Variants in VANGL1 observed in about 807,000 individuals in gnomAD.
VANGL1 encodes vang-like protein 1.
Under a neutral mutation model 48.4 loss-of-function variants are expected in VANGL1, and 18 were observed. That is an observed-to-expected ratio of 0.37 (90% CI 0.26 to 0.55). The LOEUF is 0.55. Ranked by LOEUF, VANGL1 falls within the 20% of genes least tolerant of loss-of-function variation. VANGL1 has a pLI of 0.81. For missense variants in VANGL1, 667 were observed against 675.8 expected (o/e 0.99, Z 0.14); for synonymous variants, 257 against 261.8 (o/e 0.98, Z 0.18).
At position 115,659,742 on chromosome 1, in the gene VANGL1, G is replaced by C; in HGVS notation, c.173G>C (p.Gly58Ala). ...IQPPTGEPLL[G>A]NDSTRTEEVQ... ...CCTCCCACTGGAGAGCCCCTGTTGG[G>C]AAATGATTCTACTCGGACAGAGGAA... is the stretch of plus-strand genomic sequence containing the variant. Residue 58 changes from glycine to alanine, a missense_variant, in exon 3 of 8, where the codon GGA becomes GCA. By Grantham distance (60) the Gly-to-Ala change is moderately conservative. Coordinates refer to ENST00000355485, the MANE Select transcript of VANGL1 (RefSeq NM_138959.3). 6.2e-7 allele frequency: 1 copy of C among 1,614,140 alleles called. No individual in the cohort carries two copies. Among genetic ancestry groups the C allele is most frequent in the Non-Finnish European group, 8.5e-7 (1 of 1,180,016 alleles).
chr1:115,662,452 T>C (rs563307537), intron 3 of VANGL1, among the ~76,000 whole-genome samples: 1 of 152,358 alleles, frequency 6.6e-6, no homozygotes, highest in East Asian at 1.9e-4. Context: ...TATTGCTTCA[T>C]TATTGTTGCC....
Position 115,685,312 on chromosome 1 carries a change from G to A in VANGL1, c.1099G>A (p.Glu367Lys). The A allele has an allele frequency of 1.2e-6, 2 of 1,614,148 alleles. No homozygotes were observed. The highest frequency in any genetic ancestry group is 1.7e-6 in the Non-Finnish European group (2 of 1,180,020). ...TTCTAGGCTGGTGGTTGCAGTGGAA[G>A]AGGCCTTCATCCACATTCAGCGTCT... is the stretch of plus-strand genomic sequence containing the variant. ...RKARLVVAVEEAFIHIQRLQA... is the reference protein window; with the variant it reads ...RKARLVVAVEKAFIHIQRLQA... The change falls in exon 7 of 8, where the codon GAG becomes AAG. Residue 367 changes from glutamate to lysine, a missense_variant. Glu to Lys is a moderately conservative substitution (Grantham distance 56, BLOSUM62 1). Coordinates refer to ENST00000355485, the MANE Select transcript of VANGL1 (RefSeq NM_138959.3).
chr1:115,682,758 C>G (rs1653440154), intron 5 of VANGL1, among the ~76,000 whole-genome samples: 2 of 152,234 alleles, frequency 1.3e-5, no homozygotes, highest in South Asian at 4.2e-4. Flanking sequence ...TGCCTTCTGC[C>G]AGGATCATCT....
In VANGL1 at chr1:115,664,004, T is replaced by A; in HGVS notation, c.548T>A (p.Phe183Tyr). 1 of 1,614,190 alleles carries A rather than the reference T, an allele frequency of 6.2e-7. No individual in the cohort carries two copies. ...CGGAGAGCTGACATGCCACGGGTGT[T>A]TGTGTTTCGTGCCCTTTTGTTGGTC... ...RKRRADMPRV[F>Y]VFRALLLVLI... is the part of the protein sequence containing the mutation. Residue 183 changes from phenylalanine to tyrosine, a missense_variant, in exon 4 of 8, where the codon TTT becomes TAT. Phe to Tyr is a conservative substitution (Grantham distance 22, BLOSUM62 3). Transcript: ENST00000355485.
chr1:115,688,831 C>T (rs1653731921), intron 7 of VANGL1, among the ~76,000 whole-genome samples: 1 of 133,184 alleles, frequency 7.5e-6, no homozygotes, highest in Admixed American at 7.7e-5. Flanking sequence ...ACTCTGTCAC[C>T]CAGGATGGAG....
chr1:115,673,594 C>CTTTTT (rs960453479), intron 4 of VANGL1, among the ~76,000 whole-genome samples: 9 of 108,582 alleles, frequency 8.3e-5, no homozygotes, highest in African/African-American at 1.6e-4. Flanking sequence ...TGTATGTCCT[C>CTTTTT]TTTTTTTTTT....
intron 4 of VANGL1, among the ~76,000 whole-genome samples, chr1:115,666,918 C>T (rs1652813799): frequency 6.6e-6 from 1 of 152,214 alleles, no homozygotes; most frequent in Non-Finnish European, 1.5e-5. Flanking sequence ...GGCCTGGTCA[C>T]CTGCCGATCC....
intron 2 of VANGL1, among the ~76,000 whole-genome samples, chr1:115,652,004 G>A (rs1162331128): frequency 2.6e-5 from 4 of 152,062 alleles, no homozygotes; most frequent in South Asian, 2.1e-4. Context: ...CGCCCGCCTC[G>A]GTTTCTAGGT....
Position 115,695,969 on chromosome 1 carries a change from T to G in VANGL1, c.*4590T>G, listed in dbSNP as rs1214464652. 1 of 152,176 alleles carries G rather than the reference T, an allele frequency of 6.6e-6. No individual in the cohort carries two copies. Among genetic ancestry groups the G allele is most frequent in the Non-Finnish European group, 1.5e-5 (1 of 68,026 alleles). The allele number at this position is 152,176 out of a possible 1,614,324, so 9.4% of individuals were successfully genotyped here. A position where few individuals can be genotyped will look rare whatever the true frequency, so the allele number is the denominator to read the frequency against. Reference sequence around the variant, plus strand: ...TCTTTCACTTTGGATTTACACCTTGTCCCTTGGAAAGCTTCTCCACTATGC... The same window carrying G: ...TCTTTCACTTTGGATTTACACCTTGGCCCTTGGAAAGCTTCTCCACTATGC... On this transcript the variant is annotated 3_prime_UTR_variant, in exon 8 of 8. Transcript: ENST00000355485.
chr1:115,690,713 C>T (rs1193615704), intron 7 of VANGL1, among the ~76,000 whole-genome samples: 4 of 152,158 alleles, frequency 2.6e-5, no homozygotes, highest in African/African-American at 9.7e-5. Context: ...CCTTTGGGCC[C>T]GACACAGCCC....
In VANGL1 at chr1:115,682,473, G is replaced by A. The variant is rs777800005; in HGVS notation, c.922G>A (p.Gly308Arg). 15 of 1,613,990 alleles carry A rather than the reference G, an allele frequency of 9.3e-6. No homozygotes were observed. Among genetic ancestry groups the A allele is most frequent in the African/African-American group, 1.3e-5 (1 of 74,884 alleles). The change falls in exon 5 of 8, where the codon GGG becomes AGG. Residue 308 changes from glycine (G) to arginine (R), a missense_variant. By Grantham distance (125) the Gly-to-Arg change is moderately radical. Transcript: ENST00000355485. ...SKFRAAKHMA[G>R]LKVYNVDGPS... Reference sequence around the variant, plus strand: ...ATTCCGAGCAGCCAAGCATATGGCCGGGCTGAAAGTCTACAATGTAGATGG... The same window carrying A: ...ATTCCGAGCAGCCAAGCATATGGCCAGGCTGAAAGTCTACAATGTAGATGG...
At chr1:115,661,554 GTA>G (rs1652548008) in intron 3 of VANGL1, among the ~76,000 whole-genome samples, 1 of 142,814 alleles carries the variant, frequency 7.0e-6, no homozygotes, top group African/African-American at 2.6e-5. Context: ...GTATTCCATT[GTA>G]TCAGTCTACC....
Position 115,664,093 on chromosome 1 carries a change from G to A in VANGL1, c.637G>A (p.Asp213Asn), listed in dbSNP as rs764218954. The A allele has an allele frequency of 6.2e-6, 10 of 1,614,150 alleles. No individual in the cohort carries two copies. The South Asian group carries it at 1.1e-4, about 18-fold the overall frequency. The stretch of plus-strand genomic sequence containing the variant: ...CGGGGTCCGCATTTTGGACTCTCGG[G>A]ACCGGAATTACCAGGGCATTGTGCA... ...FYGVRILDSRDRNYQGIVQYA... is the reference protein window; with the variant it reads ...FYGVRILDSRNRNYQGIVQYA... Residue 213 changes from aspartate (D) to asparagine (N), a missense_variant, in exon 4 of 8, where the codon GAC becomes AAC. Coordinates refer to ENST00000355485, the MANE Select transcript of VANGL1 (RefSeq NM_138959.3).
Position 115,687,705 on chromosome 1 carries a change from CTGTGTGTGTGTGTGTGTG to C in VANGL1, c.1314+2206_1314+2223del, listed in dbSNP as rs56094677. On this transcript the variant is annotated intron_variant, in intron 7 of 7. Coordinates refer to ENST00000355485, the MANE Select transcript of VANGL1 (RefSeq NM_138959.3). The stretch of plus-strand genomic sequence containing the variant: ...AATTGGGTCATTGCTCTCTCTTTCT[CTGTGTGTGTGTGTGTGTG>C]TGTGTGTGTGTGTGTGTGTGTGTGT... Among the ~76,000 whole-genome samples, 15 of 112,864 alleles carry C rather than the reference CTGTGTGTGTGTGTGTGTG, an allele frequency of 1.3e-4. 4 individuals are homozygous for C. The highest frequency in any genetic ancestry group is 3.3e-4 in the South Asian group (1 of 3,032). The allele number at this position is 112,864 out of a possible 152,430, so 74.0% of individuals were successfully genotyped here.
Position 115,642,053 on chromosome 1 carries a change from C to T in VANGL1, c.-171C>T, listed in dbSNP as rs886045117. 1.3e-5 allele frequency: 2 copies of T among 151,368 alleles called. No homozygotes were observed. Among genetic ancestry groups the T allele is most frequent in the African/African-American group, 2.4e-5 (1 of 41,240 alleles). The allele number at this position is 151,368 out of a possible 1,614,324, so 9.4% of individuals were successfully genotyped here. On this transcript the variant is annotated 5_prime_UTR_variant, in exon 1 of 8. Coordinates refer to ENST00000355485, the MANE Select transcript of VANGL1 (RefSeq NM_138959.3). ...AGCCGGGGCCGCTGTGAGCCGAGACCGCGGGCCGCGGAGCTCGGGCGGCCG... is the reference window on the plus strand; with the variant it reads ...AGCCGGGGCCGCTGTGAGCCGAGACTGCGGGCCGCGGAGCTCGGGCGGCCG...
Position 115,657,553 on chromosome 1 carries a change from G to A in VANGL1, c.72-2088G>A, listed in dbSNP as rs1012233627. On this transcript the variant is annotated intron_variant, in intron 2 of 7. Transcript: ENST00000355485. ...AGTGTTCTATAAATTGGGGTAGGAT[G>A]TGAGGTAATTGGCATTGTTAGATGC... Among the ~76,000 whole-genome samples, 4 of 150,064 alleles carry A rather than the reference G, an allele frequency of 2.7e-5. No individual in the cohort carries two copies. The East Asian group carries it at 5.8e-4, about 22-fold the overall frequency.
At chr1:115,676,637 T>C (rs1163613955) in intron 4 of VANGL1, among the ~76,000 whole-genome samples, 1 of 152,236 alleles carries the variant, frequency 6.6e-6, no homozygotes, top group Admixed American at 6.5e-5. Flanking sequence ...CTCCAGTATT[T>C]TTCCTGGTAT....
Position 115,693,719 on chromosome 1 carries a change from C to T in VANGL1, c.*2340C>T, listed in dbSNP as rs761542338. 6.6e-6 allele frequency: 1 copy of T among 152,120 alleles called. No individual in the cohort carries two copies. Among genetic ancestry groups the T allele is most frequent in the Non-Finnish European group, 1.5e-5 (1 of 68,014 alleles). The allele number at this position is 152,120 out of a possible 1,614,324, so 9.4% of individuals were successfully genotyped here. A position where few individuals can be genotyped will look rare whatever the true frequency, so the allele number is the denominator to read the frequency against. On this transcript the variant is annotated 3_prime_UTR_variant, in exon 8 of 8. Transcript: ENST00000355485. ...CTTTGCACTTTCAACCTCTTTATAG[C>T]TTGAGTTACTTTTGCAGTGGGAACA... is the stretch of plus-strand genomic sequence containing the variant.
At chr1:115,666,888 T>C (rs1276409675) in intron 4 of VANGL1, among the ~76,000 whole-genome samples, 3 of 152,222 alleles carry the variant, frequency 2.0e-5, no homozygotes, top group Non-Finnish European at 4.4e-5. Flanking sequence ...GCTTGGCACC[T>C]TTCCTCCTGG....
Sources: allele counts gnomAD v4.1 joint callset (sites outside exome capture counted in the v4.1 genomes callset), GRCh38; gene constraint gnomAD v4.1.1; transcripts MANE v1.5; gene names NCBI Gene and HGNC (gene_info 2026-07-23, HGNC 2026-07-21).